GPR139: variants seen among roughly 807,000 people sequenced by gnomAD.
GPR139 encodes the protein G protein-coupled receptor 139, also known as probable G protein-coupled receptor 139.
GPR139 carries 12 observed loss-of-function variants against 25.8 expected under a neutral mutation model. The observed-to-expected ratio is 0.47, with a 90% CI of 0.30 to 0.75. The LOEUF (loss-of-function observed/expected upper bound fraction) is 0.75, where lower values mean the gene tolerates loss of function less well. GPR139 is among the 30% of genes least tolerant of loss of function. The pLI is 0.07. For missense variants in GPR139, 380 were observed against 450.2 expected (o/e 0.84, Z 1.41); for synonymous variants, 184 against 179.9 (o/e 1.02, Z -0.18).
intron 1 of GPR139, among the ~76,000 whole-genome samples, chr16:20,065,854 C>T (rs530011056): frequency 3.5e-4 from 49 of 141,842 alleles, no homozygotes; most frequent in African/African-American, 1.0e-3. Context: ...CACTCCAGCA[C>T]GGGTGACACA....
chr16:20,039,705 C>A (rs569046210), intron 1 of GPR139, among the ~76,000 whole-genome samples: 5 of 152,082 alleles, frequency 3.3e-5, no homozygotes, highest in Admixed American at 6.6e-5. Flanking sequence ...GACAATAAAC[C>A]AAACTGTTAA....
intron 1 of GPR139, among the ~76,000 whole-genome samples, chr16:20,051,088 G>GA (rs1567237828): frequency 1.4e-5 from 2 of 147,276 alleles, no homozygotes; most frequent in East Asian, 4.0e-4. Flanking sequence ...AAGAAAGAAA[G>GA]AAGAAGGAAA....
At position 20,029,943 on chromosome 16, in the gene GPR139, T is replaced by C. The variant is rs970067747; in HGVS notation, c.*1792A>G. Among the ~76,000 whole-genome samples the C allele has an allele frequency of 1.3e-5, 2 of 152,218 alleles. No homozygotes were observed. Among genetic ancestry groups the C allele is most frequent in the East Asian group, 1.9e-4 (1 of 5,196 alleles). On this transcript the variant is annotated 3_prime_UTR_variant, in exon 2 of 2. Coordinates refer to ENST00000570682, the MANE Select transcript of GPR139 (RefSeq NM_001002911.4). ...AATATAATCTCCAACATGGCTCTTT[T>C]TTGAGGATCTTTTGCAAAGGTAACT... is the stretch of plus-strand genomic sequence containing the variant.
Position 20,031,969 on chromosome 16 carries a change from C to T in GPR139, c.828G>A (p.Leu276=), listed in dbSNP as rs575721647. The change falls in exon 2 of 2, where the codon CTG becomes CTA. Residue 276 remains leucine, a synonymous_variant. Transcript: ENST00000570682. ...MSDIANMLAL[L]NTAINFFLYC... Reference sequence around the variant, plus strand: ...AGAGGAAGAAGTTGATGGCTGTGTTCAGAAGGGCTAGCATGTTGGCAATGT... The same window carrying T: ...AGAGGAAGAAGTTGATGGCTGTGTTTAGAAGGGCTAGCATGTTGGCAATGT... 12 of 1,614,154 alleles carry T rather than the reference C, an allele frequency of 7.4e-6. No homozygotes were observed. In the South Asian group the frequency reaches 1.2e-4, roughly 16 times the overall value.
intron 1 of GPR139, among the ~76,000 whole-genome samples, chr16:20,067,155 G>A (rs552778189): frequency 4.6e-5 from 7 of 152,242 alleles, no homozygotes; most frequent in East Asian, 3.9e-4. Flanking sequence ...TAACATGATC[G>A]TTACAGAAAC....
At chr16:20,038,970 G>A (rs1460484228) in intron 1 of GPR139, among the ~76,000 whole-genome samples, 3 of 152,150 alleles carry the variant, frequency 2.0e-5, no homozygotes, top group African/African-American at 4.8e-5. Flanking sequence ...CTGTCAAACT[G>A]ATCCAAGGAT....
rs1436384698 is a variant in GPR139 at position 20,030,569 on chromosome 16, G to A, written c.*1166C>T. On this transcript the variant is annotated 3_prime_UTR_variant, in exon 2 of 2. Transcript: ENST00000570682. Reference sequence around the variant, plus strand: ...TATTTTATCATTTTACAAAGGATCTGGGTTAAATAGCTTTACCAAGAACTG... The same window carrying A: ...TATTTTATCATTTTACAAAGGATCTAGGTTAAATAGCTTTACCAAGAACTG... Among the ~76,000 whole-genome samples, 1 of 123,412 alleles carries A rather than the reference G, an allele frequency of 8.1e-6. No individual in the cohort carries two copies. The highest frequency in any genetic ancestry group is 3.2e-5 in the African/African-American group (1 of 31,152). The allele number at this position is 123,412 out of a possible 152,430, so 81.0% of individuals were successfully genotyped here.
intron 1 of GPR139, among the ~76,000 whole-genome samples, chr16:20,048,499 C>A (rs901975231): frequency 6.6e-6 from 1 of 152,168 alleles, no homozygotes; most frequent in South Asian, 2.1e-4. Context: ...AATGGCACCG[C>A]GTTAGATTTT....
chr16:20,050,155 G>A (rs1354209877), intron 1 of GPR139, among the ~76,000 whole-genome samples: 1 of 152,198 alleles, frequency 6.6e-6, no homozygotes, highest in Non-Finnish European at 1.5e-5. Flanking sequence ...GAGCACTTAG[G>A]AAGAGGGAAG....
At chr16:20,043,972 T>C (rs28540361) in intron 1 of GPR139, among the ~76,000 whole-genome samples, 3,680 of 152,256 alleles carry the variant, frequency 0.024, 167 homozygotes, top group African/African-American at 0.085. Context: ...CTGGTGCTTT[T>C]GGACAAGTTG....
chr16:20,037,117 A>T (rs1446353083), intron 1 of GPR139, among the ~76,000 whole-genome samples: 1 of 152,180 alleles, frequency 6.6e-6, no homozygotes, highest in Non-Finnish European at 1.5e-5. Flanking sequence ...ATGGGGTGGT[A>T]ACTTTTAGAT....
chr16:20,065,574 A>G (rs143271609), intron 1 of GPR139, among the ~76,000 whole-genome samples: 1 of 152,306 alleles, frequency 6.6e-6, no homozygotes, highest in East Asian at 1.9e-4. Flanking sequence ...TCGTCAAAGA[A>G]TCATAAGTTA....
intron 1 of GPR139, among the ~76,000 whole-genome samples, chr16:20,046,774 C>G (rs2057355720): frequency 6.6e-6 from 1 of 152,002 alleles, no homozygotes; most frequent in Non-Finnish European, 1.5e-5. Flanking sequence ...AGCATTAAAA[C>G]AAAGAAAAAA....
At chr16:20,051,007 G>A (rs1759117740) in intron 1 of GPR139, among the ~76,000 whole-genome samples, 2 of 146,574 alleles carry the variant, frequency 1.4e-5, no homozygotes, top group Middle Eastern at 3.4e-3. Flanking sequence ...AGGCTGCAGT[G>A]AGTGGAGATC....
intron 1 of GPR139, among the ~76,000 whole-genome samples, chr16:20,062,115 C>T (rs948999779): frequency 1.3e-5 from 2 of 152,130 alleles, no homozygotes; most frequent in African/African-American, 4.8e-5. Flanking sequence ...ATTAAATATA[C>T]TTTTAAAAAA....
In GPR139 at chr16:20,073,263, C is replaced by G. The variant is rs1039062901; in HGVS notation, c.127+227G>C. On this transcript the variant is annotated intron_variant, in intron 1 of 1. Coordinates refer to ENST00000570682, the MANE Select transcript of GPR139 (RefSeq NM_001002911.4). The surrounding 1 kb of genome is among the most constrained non-coding windows in gnomAD (Gnocchi z 4.7). ...CGCCGTCACAGTCATCACACACACA[C>G]ACACACACACACACACGCTCGCGCG... Among the ~76,000 whole-genome samples, 5 of 144,426 alleles carry G rather than the reference C, an allele frequency of 3.5e-5. No homozygotes were observed. Among genetic ancestry groups the G allele is most frequent in the Admixed American group, 6.9e-5 (1 of 14,412 alleles). The allele number at this position is 144,426 out of a possible 152,430, so 94.7% of individuals were successfully genotyped here.
Position 20,073,366 on chromosome 16 carries a change from C to G in GPR139, c.127+124G>C. On this transcript the variant is annotated intron_variant, in intron 1 of 1. Transcript: ENST00000570682. The surrounding 1 kb of genome is among the most constrained non-coding windows in gnomAD (Gnocchi z 4.7). ...CCGTGTGGAAATATCCATAGTTGCCCTTAAAGCTTAAACTTTTTCCGAGGG... is the reference window on the plus strand; with the variant it reads ...CCGTGTGGAAATATCCATAGTTGCCGTTAAAGCTTAAACTTTTTCCGAGGG... The G allele has an allele frequency of 7.1e-7, 1 of 1,416,110 alleles. No individual in the cohort carries two copies. Among genetic ancestry groups the G allele is most frequent in the South Asian group, 1.3e-5 (1 of 77,794 alleles). The allele number at this position is 1,416,110 out of a possible 1,614,324, so 87.7% of individuals were successfully genotyped here.
chr16:20,046,753 G>A (rs2057355681), intron 1 of GPR139, among the ~76,000 whole-genome samples: 1 of 152,156 alleles, frequency 6.6e-6, no homozygotes, highest in Non-Finnish European at 1.5e-5. Context: ...GTAACACAGT[G>A]AAGAAACAGA....
rs1173349155 is a variant in GPR139, at chr16:20,073,818, CCGCAGGGCGCGGGG to C, written c.-216_-203del. The C allele has an allele frequency of 6.3e-6, 4 of 634,266 alleles. No homozygotes were observed. The highest frequency in any genetic ancestry group is 2.7e-5 in the South Asian group (1 of 36,422). 39.3% of individuals were successfully genotyped at this position (634,266 alleles called of 1,614,324 possible). ...CGCCTGGAGTCTTGGCTCAGCCCTC[CCGCAGGGCGCGGGG>C]CGCAGGGTGCGGGGCGCGCTGCGCG... On this transcript the variant is annotated 5_prime_UTR_variant, in exon 1 of 2. Coordinates refer to ENST00000570682, the MANE Select transcript of GPR139 (RefSeq NM_001002911.4). This position sits in a 1 kb window ranked among gnomAD's most constrained non-coding sequence, Gnocchi z 4.7.
Sources: allele counts gnomAD v4.1 joint callset (sites outside exome capture counted in the v4.1 genomes callset), GRCh38; gene constraint gnomAD v4.1.1; non-coding constraint Gnocchi (gnomAD v3.1); transcripts MANE v1.5; gene names NCBI Gene and HGNC (gene_info 2026-07-23, HGNC 2026-07-21).